The following LRP1B variants were observed in gnomAD, a reference collection of about 807,000 sequenced individuals.
LRP1B encodes low-density lipoprotein receptor-related protein 1B.
A neutral mutation model predicts 556.6 loss-of-function variants in LRP1B; 217 were observed. That is an observed-to-expected ratio of 0.39 (90% CI 0.35 to 0.44). LRP1B has a LOEUF of 0.44. LRP1B is among the 20% of genes least tolerant of loss of function. The pLI is 1.00. For missense variants in LRP1B, 5,053 were observed against 5,620.8 expected, an observed-to-expected ratio of 0.90 and a Z score of 3.23; for synonymous variants, 2,047 against 1,865.8, an observed-to-expected ratio of 1.10 and a Z score of -2.50.
At chr2:141,125,677 A>T (rs547492005) in intron 7 of LRP1B, among the ~76,000 whole-genome samples, 27 of 152,198 alleles carry the variant, frequency 1.8e-4, no homozygotes, top group African/African-American at 6.3e-4. Context: ...ACTGTGTCTC[A>T]CAATGGGAGA....
chr2:141,181,248 C>A (rs1438938936), intron 7 of LRP1B, among the ~76,000 whole-genome samples: 2 of 151,716 alleles, frequency 1.3e-5, no homozygotes, highest in Admixed American at 6.6e-5. Context: ...ACCTTATGAC[C>A]GTAGAGGAAT....
In LRP1B at chr2:141,185,683, C is replaced by CAAAAAAAA. The variant is rs148935362; in HGVS notation, c.1013+2737_1013+2738insTTTTTTTT. ...AAACCATGGAGAACTGAAAAACAAA[C>CAAAAAAAA]AAACAAAAAAAAACAAAAAAAAAAA... On this transcript the variant is annotated intron_variant, in intron 7 of 90. Transcript: ENST00000389484. 9.2e-4 allele frequency among the ~76,000 whole-genome samples: 68 copies of CAAAAAAAA among 74,312 alleles called. 1 individual carries two copies. The highest frequency in any genetic ancestry group is 3.1e-3 in the African/African-American group (64 of 20,628). 48.8% of individuals were successfully genotyped at this position (74,312 alleles called of 152,430 possible).
At chr2:140,252,062 CAAAAAAAAAAAAAAAA>C in intron 86 of LRP1B, among the ~76,000 whole-genome samples, 5 of 18,558 alleles carry the variant, frequency 2.7e-4, no homozygotes, top group Admixed American at 1.1e-3. Flanking sequence ...TGACAAGATG[CAAAAAAAAAAAAAAAA>C]AAAAAAAAAA....
chr2:140,499,451 C>G (rs1177680369), intron 55 of LRP1B, among the ~76,000 whole-genome samples: 1 of 151,914 alleles, frequency 6.6e-6, no homozygotes, highest in Non-Finnish European at 1.5e-5. Context: ...TACACACACA[C>G]AGACACACTC....
intron 2 of LRP1B, among the ~76,000 whole-genome samples, chr2:141,523,604 T>A (rs567082694): frequency 6.8e-4 from 104 of 152,220 alleles, no homozygotes; most frequent in African/African-American, 2.4e-3. Flanking sequence ...AACCAAGAGG[T>A]CACAAGTTAC....
intron 3 of LRP1B, among the ~76,000 whole-genome samples, chr2:141,277,218 A>G (rs1685336015): frequency 6.6e-6 from 1 of 152,170 alleles, no homozygotes; most frequent in African/African-American, 2.4e-5. Context: ...TCGCCAACCT[A>G]CTTTCCACAG....
chr2:140,318,948 T>C (rs1402312625), intron 82 of LRP1B, among the ~76,000 whole-genome samples: 1 of 152,140 alleles, frequency 6.6e-6, no homozygotes, highest in Non-Finnish European at 1.5e-5. Flanking sequence ...GGTAGTAATA[T>C]TAGTAGTATT....
At chr2:141,418,982 ATTC>A (rs1476996176) in intron 3 of LRP1B, among the ~76,000 whole-genome samples, 3 of 151,838 alleles carry the variant, frequency 2.0e-5, no homozygotes, top group African/African-American at 7.3e-5. Context: ...TATAAATGGG[ATTC>A]TTTTCTCAAT....
At chr2:142,099,290 C>A (rs1392760355) in intron 1 of LRP1B, among the ~76,000 whole-genome samples, 1 of 151,750 alleles carries the variant, frequency 6.6e-6, no homozygotes. Flanking sequence ...TGGGCTTTAC[C>A]TTCAAAGAGT....
chr2:141,607,486 G>T (rs1376177350), intron 2 of LRP1B, among the ~76,000 whole-genome samples: 1 of 152,120 alleles, frequency 6.6e-6, no homozygotes, highest in Admixed American at 6.6e-5. Flanking sequence ...TTAGTGATCA[G>T]TCTCCACCCT....
intron 1 of LRP1B, among the ~76,000 whole-genome samples, chr2:141,877,437 C>T (rs1000536652): frequency 2.0e-5 from 3 of 151,848 alleles, no homozygotes; most frequent in Non-Finnish European, 4.4e-5. Flanking sequence ...ATGTGTTACC[C>T]ACTTGTAGGT....
chr2:141,544,540 C>G (rs1685484279), intron 2 of LRP1B, among the ~76,000 whole-genome samples: 1 of 151,424 alleles, frequency 6.6e-6, no homozygotes, highest in Admixed American at 6.6e-5. Context: ...CTTGGCCTCC[C>G]AAACTGTTAG....
intron 3 of LRP1B, among the ~76,000 whole-genome samples, chr2:141,478,836 C>T (rs1573994064): frequency 6.6e-6 from 1 of 152,056 alleles, no homozygotes. Context: ...TGAGCCACTG[C>T]ACCCGGCCTA....
rs191996289 is a variant in LRP1B, at chr2:140,245,386, G to A, written c.13324+1700C>T. Among the ~76,000 whole-genome samples the A allele has an allele frequency of 5.9e-5, 9 of 151,434 alleles. No individual in the cohort carries two copies. In the East Asian group the frequency reaches 1.2e-3, roughly 20 times the overall value. ...CAAACTTTCCCTTTGTGGATGGAGC[G>A]TATACAAAATTTCCAAATTTCATAC... is the stretch of plus-strand genomic sequence containing the variant. On this transcript the variant is annotated intron_variant, in intron 87 of 90. Transcript: ENST00000389484.
intron 1 of LRP1B, among the ~76,000 whole-genome samples, chr2:142,102,484 A>G (rs1267027037): frequency 6.6e-6 from 1 of 151,858 alleles, no homozygotes; most frequent in African/African-American, 2.4e-5. Context: ...GAAACTGCTG[A>G]TATAAGTATT....
At chr2:140,818,364 T>C (rs1250681578) in intron 31 of LRP1B, among the ~76,000 whole-genome samples, 1 of 152,118 alleles carries the variant, frequency 6.6e-6, no homozygotes, top group Non-Finnish European at 1.5e-5. Context: ...AAACTGACCA[T>C]TGTAAACACA....
At chr2:140,547,323 T>C (rs971591613) in intron 43 of LRP1B, among the ~76,000 whole-genome samples, 1 of 152,138 alleles carries the variant, frequency 6.6e-6, no homozygotes, top group African/African-American at 2.4e-5. Flanking sequence ...TACTTTTCCA[T>C]TTCAGAGCTA....
At chr2:140,707,265 T>C (rs144040371) in intron 37 of LRP1B, among the ~76,000 whole-genome samples, 3 of 152,256 alleles carry the variant, frequency 2.0e-5, no homozygotes, top group East Asian at 3.9e-4. Flanking sequence ...AAAATGTTCA[T>C]GCTGGCACAG....
At chr2:140,433,351 G>A (rs535122137) in intron 66 of LRP1B, among the ~76,000 whole-genome samples, 1 of 152,228 alleles carries the variant, frequency 6.6e-6, no homozygotes, top group African/African-American at 2.4e-5. Context: ...GCCCGCCTCA[G>A]CCTCCCAAAA....
Sources: allele counts gnomAD v4.1 joint callset (sites outside exome capture counted in the v4.1 genomes callset), GRCh38; gene constraint gnomAD v4.1.1; transcripts MANE v1.5; gene names NCBI Gene and HGNC (gene_info 2026-07-23, HGNC 2026-07-21).